Variants in SNX9 observed in about 807,000 individuals in gnomAD.
SNX9 encodes sorting nexin 9.
A neutral mutation model predicts 89.4 loss-of-function variants in SNX9; 44 were observed. That is an observed-to-expected ratio of 0.49 (90% CI 0.39 to 0.63). SNX9 has a LOEUF of 0.63. Among genes scored for constraint, SNX9 ranks in the 30% least tolerant of loss-of-function variants. The pLI is 0.00. For synonymous variants in SNX9, 236 were observed against 247.8 expected, an observed-to-expected ratio of 0.95 and a Z score of 0.45; for missense variants, 578 against 736.1, an observed-to-expected ratio of 0.79 and a Z score of 2.49.
intron 1 of SNX9, among the ~76,000 whole-genome samples, chr6:157,844,778 A>G (rs1398962252): frequency 6.6e-6 from 1 of 151,748 alleles, no homozygotes; most frequent in African/African-American, 2.4e-5. Flanking sequence ...TGTTTTTAGT[A>G]GAGACAGCAT....
intron 4 of SNX9, among the ~76,000 whole-genome samples, chr6:157,896,124 C>G (rs1034118230): frequency 6.6e-6 from 1 of 152,188 alleles, no homozygotes; most frequent in Non-Finnish European, 1.5e-5. Flanking sequence ...TGCCCAGATT[C>G]ATGAATCTCA....
chr6:157,826,944 A>AT (rs1476241660), intron 1 of SNX9, among the ~76,000 whole-genome samples: 2 of 58,246 alleles, frequency 3.4e-5, no homozygotes, highest in Non-Finnish European at 2.7e-5. Flanking sequence ...TAATATATAA[A>AT]ATATATTATA....
Position 157,858,916 on chromosome 6 carries a change from C to G in SNX9, c.13-8631C>G, listed in dbSNP as rs1048032057. 7.2e-5 allele frequency among the ~76,000 whole-genome samples: 11 copies of G among 152,316 alleles called. No individual in the cohort carries two copies. The Middle Eastern group carries it at 0.01, about 141-fold the overall frequency. On this transcript the variant is annotated intron_variant, in intron 1 of 17. Transcript: ENST00000392185. ...TCAGTTATCTCCACCTGGCCCTGCC[C>G]TTGACACATGCAGATTATTACAATT...
chr6:157,910,037 T>C lies in SNX9; in HGVS notation c.949+12T>C, dbSNP rs746895040. The C allele has an allele frequency of 3.6e-5, 57 of 1,590,418 alleles. No homozygotes were observed. The highest frequency in any genetic ancestry group is 5.4e-5 in the African/African-American group (4 of 74,390). ...CAAACAAGTCACAGGTGAGTGTGTG[T>C]AATGCTAAACCCAGGATGACAAATA... is the stretch of plus-strand genomic sequence containing the variant. On this transcript the variant is annotated intron_variant, in intron 9 of 17. Transcript: ENST00000392185.
chr6:157,826,888 T>A (rs1244448987), intron 1 of SNX9, among the ~76,000 whole-genome samples: 1 of 75,234 alleles, frequency 1.3e-5, no homozygotes, highest in East Asian at 3.1e-4. Context: ...AATATATAAA[T>A]ATATATTATA....
Position 157,942,880 on chromosome 6 carries a change from G to T in SNX9, c.*42G>T. The T allele has an allele frequency of 6.4e-7, 1 of 1,572,722 alleles. No individual in the cohort carries two copies. The highest frequency in any genetic ancestry group is 1.2e-5 in the South Asian group (1 of 85,782). On this transcript the variant is annotated 3_prime_UTR_variant, in exon 18 of 18. Coordinates refer to ENST00000392185, the MANE Select transcript of SNX9 (RefSeq NM_016224.5). The stretch of plus-strand genomic sequence containing the variant: ...AAGAGAATGCCGCGTGCTTTCTCCT[G>T]ACTTGGGGCAATGCAATTCAAAACT...
Position 157,823,404 on chromosome 6 carries a change from C to G in SNX9, c.-31C>G, listed in dbSNP as rs928814261. On this transcript the variant is annotated 5_prime_UTR_variant, in exon 1 of 18. Transcript: ENST00000392185. The surrounding 1 kb of genome is among the most constrained non-coding windows in gnomAD (Gnocchi z 4.6). ...ACCATCCGCGGCGCGGGAGACGAGC[C>G]GGCCGTCCCGGGCCGGGGGACCCGC... 7.9e-7 allele frequency: 1 copy of G among 1,269,316 alleles called. No individual in the cohort carries two copies. The allele number at this position is 1,269,316 out of a possible 1,614,324, so 78.6% of individuals were successfully genotyped here.
chr6:157,908,457 G>A (rs1379851535), intron 7 of SNX9, among the ~76,000 whole-genome samples: 1 of 152,106 alleles, frequency 6.6e-6, no homozygotes, highest in Admixed American at 6.5e-5. Context: ...GACTTCTATT[G>A]CTCTGAAATG....
chr6:157,915,638 A>AT lies in SNX9; in HGVS notation c.949+5613_949+5614insT, dbSNP rs1341603130. 8.1e-4 allele frequency among the ~76,000 whole-genome samples: 63 copies of AT among 77,372 alleles called. No individual in the cohort carries two copies. The East Asian group carries it at 8.2e-3, about 10-fold the overall frequency. 50.8% of individuals were successfully genotyped at this position (77,372 alleles called of 152,430 possible). A position where few individuals can be genotyped will look rare whatever the true frequency, so the allele number is the denominator to read the frequency against. On this transcript the variant is annotated intron_variant, in intron 9 of 17. Coordinates refer to ENST00000392185, the MANE Select transcript of SNX9 (RefSeq NM_016224.5). ...CCATCTCTACTAAAAAAAAAAAAAA[A>AT]AAATATATATATATATATACACACA...
intron 6 of SNX9, among the ~76,000 whole-genome samples, chr6:157,905,116 AT>A (rs1783183753): frequency 6.6e-6 from 1 of 152,164 alleles, no homozygotes; most frequent in South Asian, 2.1e-4. Context: ...TGGAGTCAGA[AT>A]TCAAACCCCA....
At chr6:157,906,394 C>G (rs979783735) in intron 7 of SNX9, among the ~76,000 whole-genome samples, 182 bp downstream of exon 7, 1 of 152,078 alleles carries the variant, frequency 6.6e-6, no homozygotes, top group Non-Finnish European at 1.5e-5. Flanking sequence ...AAATTAATGC[C>G]TGTCATTATA....
At chr6:157,929,016 A>C (rs939659146) in intron 12 of SNX9, among the ~76,000 whole-genome samples, 1 of 152,168 alleles carries the variant, frequency 6.6e-6, no homozygotes, top group African/African-American at 2.4e-5. Context: ...AGTTATTCTT[A>C]GTCTCATGAT....
chr6:157,879,966 G>C (rs1782591400), intron 4 of SNX9, among the ~76,000 whole-genome samples: 1 of 152,222 alleles, frequency 6.6e-6, no homozygotes, highest in African/African-American at 2.4e-5. Flanking sequence ...CTACTTGAGA[G>C]GTTTGTTTTC....
At chr6:157,876,936 T>C (rs73573867) in intron 4 of SNX9, among the ~76,000 whole-genome samples, 4,568 of 152,314 alleles carry the variant, frequency 0.03, 225 homozygotes, top group African/African-American at 0.1. Context: ...GCCAAGCCAG[T>C]TGAGATTCAC....
intron 1 of SNX9, among the ~76,000 whole-genome samples, chr6:157,849,375 T>C (rs1156870784): frequency 6.6e-6 from 1 of 152,226 alleles, no homozygotes; most frequent in Non-Finnish European, 1.5e-5. Context: ...AGTGAACAGA[T>C]AGATGTTGAG....
At chr6:157,928,502 C>A in intron 11 of SNX9, 97 bp from the exon 12 acceptor site, 1 of 903,890 alleles carries the variant, frequency 1.1e-6, no homozygotes. Flanking sequence ...TGTTATCATG[C>A]AAGAAAACAA....
At chr6:157,912,683 C>CTA (rs756032586) in intron 9 of SNX9, among the ~76,000 whole-genome samples, 14 of 152,138 alleles carry the variant, frequency 9.2e-5, no homozygotes, top group Non-Finnish European at 2.1e-4. Flanking sequence ...GTAGGTGATG[C>CTA]TATGACATTC....
At chr6:157,875,310 G>T in intron 4 of SNX9, 134 bp downstream of exon 4, 2 of 1,239,470 alleles carry the variant, frequency 1.6e-6, no homozygotes, top group South Asian at 2.0e-5. Context: ...GTTGTTCTGT[G>T]GCATTTCTGT....
intron 1 of SNX9, among the ~76,000 whole-genome samples, chr6:157,850,250 C>T (rs1173960904): frequency 1.3e-5 from 2 of 152,158 alleles, no homozygotes; most frequent in South Asian, 2.1e-4. Flanking sequence ...AGAGCTGTTT[C>T]AGTGGTGTCA....
Sources: allele counts gnomAD v4.1 joint callset (sites outside exome capture counted in the v4.1 genomes callset), GRCh38; gene constraint gnomAD v4.1.1; non-coding constraint Gnocchi (gnomAD v3.1); transcripts MANE v1.5; gene names NCBI Gene and HGNC (gene_info 2026-07-23, HGNC 2026-07-21).